Variants in SNX21 observed in about 807,000 individuals in gnomAD.
SNX21 encodes the protein sorting nexin family member 21.
SNX21 carries 36 observed loss-of-function variants against 30.9 expected under a neutral mutation model. That is an observed-to-expected ratio of 1.16 (90% CI 0.89 to 1.54). The LOEUF (loss-of-function observed/expected upper bound fraction) is 1.54, where lower values mean the gene tolerates loss of function less well. Ranked by LOEUF, SNX21 falls within the 40% of genes most tolerant of loss-of-function variation. The pLI, the probability that SNX21 is intolerant of heterozygous loss-of-function variation, is 0.00. For synonymous variants in SNX21, 218 were observed against 222.7 expected (o/e 0.98, Z 0.19); for missense variants, 508 against 516.5 (o/e 0.98, Z 0.16).
intron 3 of SNX21, 40 bp from the exon 4 acceptor site, chr20:45,840,599 G>A: frequency 1.9e-6 from 3 of 1,614,056 alleles, no homozygotes; most frequent in Non-Finnish European, 2.5e-6. Context: ...ACGGGCCCGT[G>A]GACAACTTGC....
intron 3 of SNX21, 92 bp downstream of exon 3, chr20:45,835,208 A>G: frequency 7.3e-7 from 1 of 1,376,262 alleles, no homozygotes; most frequent in South Asian, 1.5e-5. Context: ...GGGTCTATGT[A>G]GTTATAAATG....
At chr20:45,836,627 A>G (rs929643994) in intron 3 of SNX21, among the ~76,000 whole-genome samples, 5 of 152,048 alleles carry the variant, frequency 3.3e-5, no homozygotes, top group Non-Finnish European at 5.9e-5. Context: ...CAGCCTCCCA[A>G]GTAGCTAGGA....
chr20:45,841,062 G>A lies in SNX21; in HGVS notation c.871G>A (p.Val291Met), dbSNP rs539069234. ...RPLLTLAGLA[V>M]CHQELEDPGE... ...CCTGCTGACCCTGGCTGGGCTGGCC[G>A]TGTGCCACCAGGAGCTGGAAGACCC... The change falls in exon 4 of 4, where the codon GTG (valine) becomes ATG (methionine). Residue 291 changes from valine (V) to methionine (M), a missense_variant. Transcript: ENST00000491381. 13 of 1,609,112 alleles carry A rather than the reference G, an allele frequency of 8.1e-6. No homozygotes were observed. Among genetic ancestry groups the A allele is most frequent in the East Asian group, 4.5e-5 (2 of 44,840 alleles).
At chr20:45,835,237 G>T in intron 3 of SNX21, 121 bp downstream of exon 3, 1 of 1,196,140 alleles carries the variant, frequency 8.4e-7, no homozygotes. Flanking sequence ...GTTTACAAAT[G>T]GGGAAACTGA....
Position 45,833,957 on chromosome 20 carries a change from C to A in SNX21, c.21+17C>A. On this transcript the variant is annotated intron_variant, in intron 1 of 3. Transcript: ENST00000491381. Reference sequence around the variant, plus strand: ...ACGCAGGAGGTAGAGGCGCACGAGGCGGCGCAAGAGACATCGGGAGGGTCC... The same window carrying A: ...ACGCAGGAGGTAGAGGCGCACGAGGAGGCGCAAGAGACATCGGGAGGGTCC... 1.4e-6 allele frequency: 2 copies of A among 1,436,322 alleles called. No individual in the cohort carries two copies. The highest frequency in any genetic ancestry group is 1.8e-6 in the Non-Finnish European group (2 of 1,097,892). 89.0% of individuals were successfully genotyped at this position (1,436,322 alleles called of 1,614,324 possible).
Position 45,842,660 on chromosome 20 carries a change from C to T in SNX21, c.*1347C>T. The T allele has an allele frequency of 1.0e-6, 1 of 989,760 alleles. No individual in the cohort carries two copies. The highest frequency in any genetic ancestry group is 1.2e-6 in the Non-Finnish European group (1 of 832,576). 61.3% of individuals were successfully genotyped at this position (989,760 alleles called of 1,614,324 possible). A position where few individuals can be genotyped will look rare whatever the true frequency, so the allele number is the denominator to read the frequency against. On this transcript the variant is annotated 3_prime_UTR_variant, in exon 4 of 4. Transcript: ENST00000491381. ...TCCCTTACACATAGCAGAGCTCACTCAGTTCTCACAGTAGCCAAATGAAGC... is the reference window on the plus strand; with the variant it reads ...TCCCTTACACATAGCAGAGCTCACTTAGTTCTCACAGTAGCCAAATGAAGC...
rs768126548 is a variant in SNX21, at chr20:45,835,107, C to G, written c.438C>G (p.Ser146=). 1.1e-5 allele frequency: 17 copies of G among 1,612,886 alleles called. No homozygotes were observed. The highest frequency in any genetic ancestry group is 1.3e-5 in the Non-Finnish European group (15 of 1,179,180). ...TSANVVKDPP[S]KYVLYTLAVI... ...CTAACGTTGTCAAGGACCCGCCCTC[C>G]AAGTACGTGGTGAGTGAGGGTCTAG... Residue 146 remains serine, a synonymous_variant, in exon 3 of 4, where the codon TCC becomes TCG. Transcript: ENST00000491381.
At chr20:45,840,492 A>T in intron 3 of SNX21, 147 bp from the exon 4 acceptor site, 5 of 1,613,958 alleles carry the variant, frequency 3.1e-6, no homozygotes, top group Non-Finnish European at 4.2e-6. Flanking sequence ...GCCACTGCGC[A>T]GCAGCTCCCG....
Position 45,834,293 on chromosome 20 carries a change from G to A in SNX21, c.114G>A (p.Gln38=). The A allele has an allele frequency of 1.3e-6, 2 of 1,594,164 alleles. No individual in the cohort carries two copies. Among genetic ancestry groups the A allele is most frequent in the South Asian group, 1.1e-5 (1 of 89,444 alleles). The change falls in exon 2 of 4, where the codon CAG becomes CAA. Residue 38 remains glutamine, a synonymous_variant. Coordinates refer to ENST00000491381, the MANE Select transcript of SNX21 (RefSeq NM_033421.4). ...CGGCGGCCAGTCCAGAGGCCGAGCA[G>A]TTTCCGGAGAGCTCAGAGCTGGAGG... ...GEAAASPEAE[Q]FPESSELEDD... is the part of the protein sequence containing the mutation.
rs1429688747 is a variant in SNX21 at position 45,842,203 on chromosome 20, TGA to T, written c.*892_*893del. 7,926 of 1,466,476 alleles carry T rather than the reference TGA, an allele frequency of 5.4e-3. 344 individuals are homozygous for T. The African/African-American group carries it at 0.096, about 18-fold the overall frequency. The allele number at this position is 1,466,476 out of a possible 1,614,324, so 90.8% of individuals were successfully genotyped here. On this transcript the variant is annotated 3_prime_UTR_variant, in exon 4 of 4. Transcript: ENST00000491381. Reference sequence around the variant, plus strand: ...AGGGCTGCCCCACACAAGGGTGCACTGAGTGTCGTGGCTGCTCCAAATGCCCC... The same window carrying T: ...AGGGCTGCCCCACACAAGGGTGCACTGTGTCGTGGCTGCTCCAAATGCCCC...
chr20:45,839,051 G>A (rs546123568), intron 3 of SNX21, among the ~76,000 whole-genome samples: 11 of 151,762 alleles, frequency 7.2e-5, no homozygotes, highest in African/African-American at 2.2e-4. Flanking sequence ...GTGCCACCAC[G>A]CCTGGCTAAT....
intron 3 of SNX21, chr20:45,840,404 C>T: frequency 1.2e-6 from 2 of 1,614,220 alleles, no homozygotes; most frequent in Non-Finnish European, 1.7e-6. Context: ...AAGCTCATCT[C>T]TGTCTTTCTC....
chr20:45,835,679 G>A (rs909386526), intron 3 of SNX21, among the ~76,000 whole-genome samples: 2 of 152,300 alleles, frequency 1.3e-5, no homozygotes, highest in African/African-American at 2.4e-5. Context: ...GCATTATGAC[G>A]TGGTCAATGA....
At position 45,843,253 on chromosome 20, in the gene SNX21, G is replaced by T; in HGVS notation, c.*1940G>T. Reference sequence around the variant, plus strand: ...AGATGGAAGATATGATTTGCCTATTGTAATACAAAGAATCTGAACTGGTTT... The same window carrying T: ...AGATGGAAGATATGATTTGCCTATTTTAATACAAAGAATCTGAACTGGTTT... On this transcript the variant is annotated 3_prime_UTR_variant, in exon 4 of 4. Coordinates refer to ENST00000491381, the MANE Select transcript of SNX21 (RefSeq NM_033421.4). 1 of 610,616 alleles carries T rather than the reference G, an allele frequency of 1.6e-6. No individual in the cohort carries two copies. The highest frequency in any genetic ancestry group is 2.9e-6 in the Non-Finnish European group (1 of 339,848). 37.8% of individuals were successfully genotyped at this position (610,616 alleles called of 1,614,324 possible).
At chr20:45,836,318 C>T (rs939182413) in intron 3 of SNX21, among the ~76,000 whole-genome samples, 3 of 151,736 alleles carry the variant, frequency 2.0e-5, no homozygotes, top group East Asian at 3.9e-4. Flanking sequence ...GGTGAAACCC[C>T]GTCTCTACTA....
Position 45,834,392 on chromosome 20 carries a change from C to CGACGAG in SNX21, c.225_230dup (p.Glu75_Asp76dup), listed in dbSNP as rs754178281. ...TCACCAGCGCCGAGGACGACGAGGACGACGAGGACGAGGACGACGAGGAGG... is the reference window on the plus strand; with the variant it reads ...TCACCAGCGCCGAGGACGACGAGGACGACGAGGACGAGGACGAGGACGACGAGGAGG... On this transcript the variant is annotated inframe_insertion, in exon 2 of 4. Transcript: ENST00000491381. 70 of 1,598,972 alleles carry CGACGAG rather than the reference C, an allele frequency of 4.4e-5. No individual in the cohort carries two copies. The Middle Eastern group carries it at 8.3e-4, about 19-fold the overall frequency.
rs768723547 is a variant in SNX21 at position 45,841,921 on chromosome 20, G to A, written c.*608G>A. ...GTCACAGCTAGGACTCCATCCTGACGCCACAGCCGCCCATGGACCAGCCCC... is the reference window on the plus strand; with the variant it reads ...GTCACAGCTAGGACTCCATCCTGACACCACAGCCGCCCATGGACCAGCCCC... On this transcript the variant is annotated 3_prime_UTR_variant, in exon 4 of 4. Transcript: ENST00000491381. 4.3e-6 allele frequency: 7 copies of A among 1,612,970 alleles called. No individual in the cohort carries two copies. The highest frequency in any genetic ancestry group is 2.2e-5 in the East Asian group (1 of 44,868).
intron 3 of SNX21, among the ~76,000 whole-genome samples, chr20:45,836,667 A>G (rs1039811309): frequency 5.9e-5 from 9 of 152,100 alleles, no homozygotes; most frequent in Admixed American, 1.3e-4. Flanking sequence ...CGTGTGGCCA[A>G]TGATGAAGTC....
At position 45,841,373 on chromosome 20, in the gene SNX21, GACCTGATGAGA is replaced by G; in HGVS notation, c.*63_*73del. The stretch of plus-strand genomic sequence containing the variant: ...GGGTTGCCCCAGAAGGCAGGGGAAG[GACCTGATGAGA>G]ACAGAATAGCTGGGAGGCTGCAGAG... On this transcript the variant is annotated 3_prime_UTR_variant, in exon 4 of 4. Transcript: ENST00000491381. 1 of 1,513,180 alleles carries G rather than the reference GACCTGATGAGA, an allele frequency of 6.6e-7. No individual in the cohort carries two copies. Among genetic ancestry groups the G allele is most frequent in the Non-Finnish European group, 8.8e-7 (1 of 1,132,536 alleles). The allele number at this position is 1,513,180 out of a possible 1,614,324, so 93.7% of individuals were successfully genotyped here.
Sources: allele counts gnomAD v4.1 joint callset (sites outside exome capture counted in the v4.1 genomes callset), GRCh38; gene constraint gnomAD v4.1.1; transcripts MANE v1.5; gene names NCBI Gene and HGNC (gene_info 2026-07-23, HGNC 2026-07-21).